TMEM117: variants seen among roughly 807,000 people sequenced by gnomAD.
The protein encoded by TMEM117 is transmembrane protein 117.
TMEM117 carries 27 observed loss-of-function variants against 52.4 expected under a neutral mutation model. The ratio of observed to expected loss-of-function variants is 0.51; its 90% CI spans 0.38 to 0.71. The LOEUF (loss-of-function observed/expected upper bound fraction) is 0.71. TMEM117 is among the 30% of genes least tolerant of loss of function. The probability of loss-of-function intolerance (pLI) is 0.00; values close to 1 mark genes in which losing one functional copy is unlikely to be tolerated. For missense variants in TMEM117, 556 were observed against 630.5 expected, an observed-to-expected ratio of 0.88 and a Z score of 1.26; for synonymous variants, 215 against 206.3, an observed-to-expected ratio of 1.04 and a Z score of -0.36.
intron 2 of TMEM117, among the ~76,000 whole-genome samples, chr12:43,902,321 G>A (rs1944317161): frequency 1.3e-5 from 2 of 152,178 alleles, no homozygotes; most frequent in Non-Finnish European, 2.9e-5. Context: ...CAGAACAAAG[G>A]CCCAGGCACA....
At chr12:44,101,442 G>A (rs540918225) in intron 3 of TMEM117, among the ~76,000 whole-genome samples, 2 of 151,856 alleles carry the variant, frequency 1.3e-5, no homozygotes, top group East Asian at 3.9e-4. Flanking sequence ...CCTGAATGTG[G>A]GTCCAAATCT....
intron 3 of TMEM117, among the ~76,000 whole-genome samples, chr12:44,066,642 C>T (rs949688480): frequency 1.3e-5 from 2 of 152,116 alleles, no homozygotes; most frequent in Admixed American, 6.5e-5. Context: ...AGGATTATGT[C>T]TAAAAGATGT....
At chr12:43,820,191 C>G in the TMEM117 span, among the ~76,000 whole-genome samples, 3 of 152,130 alleles carry the variant, frequency 2.0e-5, no homozygotes, top group African/African-American at 7.2e-5. Context: ...TCCGCCTCTC[C>G]GGTTCAAGCG....
chr12:43,910,650 C>T (rs1944482496), intron 2 of TMEM117, among the ~76,000 whole-genome samples: 1 of 150,696 alleles, frequency 6.6e-6, no homozygotes, highest in Non-Finnish European at 1.5e-5. Flanking sequence ...AGCAAAGTCT[C>T]AGGATACAAA....
At position 44,316,149 on chromosome 12, in the gene TMEM117, T is replaced by C. The variant is rs116368478; in HGVS notation, c.768+16410T>C. ...TTGCTTTGTAGTTCCTGTTATATAA[T>C]TGCTCTATAGGGTCTGTGAACTATA... On this transcript the variant is annotated intron_variant, in intron 6 of 7. Coordinates refer to ENST00000266534, the MANE Select transcript of TMEM117 (RefSeq NM_032256.3). Among the ~76,000 whole-genome samples the C allele has an allele frequency of 6.0e-3, 912 of 152,312 alleles. 11 individuals carry two copies. The highest frequency in any genetic ancestry group is 0.02 in the African/African-American group (826 of 41,566).
At chr12:43,964,179 G>A (rs1256174065) in intron 3 of TMEM117, among the ~76,000 whole-genome samples, 3 of 152,042 alleles carry the variant, frequency 2.0e-5, no homozygotes, top group African/African-American at 7.2e-5. Context: ...AGTAGCTCTC[G>A]GGGAGGTCTC....
intron 3 of TMEM117, chr12:44,009,246 G>C (rs550105342): frequency 3.6e-6 from 1 of 275,090 alleles, no homozygotes; most frequent in Admixed American, 5.8e-5. Flanking sequence ...TTGATATTTT[G>C]CATCCTAGCA....
chr12:44,091,202 G>A (rs1038611371), intron 3 of TMEM117, among the ~76,000 whole-genome samples: 11 of 152,084 alleles, frequency 7.2e-5, no homozygotes, highest in African/African-American at 2.2e-4. Flanking sequence ...CAGACCTCAG[G>A]AGACTTATTT....
chr12:44,197,092 ACT>A (rs1188737063), intron 4 of TMEM117, among the ~76,000 whole-genome samples: 2 of 152,076 alleles, frequency 1.3e-5, no homozygotes, highest in African/African-American at 4.8e-5. Flanking sequence ...GACTGAGCTA[ACT>A]CTTTTGGCTC....
chr12:44,065,564 G>A (rs1947209748), intron 3 of TMEM117, among the ~76,000 whole-genome samples: 1 of 152,156 alleles, frequency 6.6e-6, no homozygotes, highest in Admixed American at 6.5e-5. Flanking sequence ...ATAGGGAATT[G>A]TGAGTATGAT....
chr12:44,181,753 G>C (rs963829745), intron 4 of TMEM117, among the ~76,000 whole-genome samples: 55 of 150,640 alleles, frequency 3.7e-4, no homozygotes, highest in African/African-American at 1.2e-3. Context: ...TTTGGTTACT[G>C]TAGCCTTGTA....
chr12:43,844,349 A>C (rs967562748), intron 1 of TMEM117, among the ~76,000 whole-genome samples: 5 of 152,164 alleles, frequency 3.3e-5, no homozygotes, highest in African/African-American at 1.2e-4. Context: ...CCAATTTTGG[A>C]CAGTGTTCTG....
chr12:44,322,033 C>T (rs1951137345), intron 6 of TMEM117, among the ~76,000 whole-genome samples: 1 of 152,132 alleles, frequency 6.6e-6, no homozygotes, highest in Non-Finnish European at 1.5e-5. Context: ...CTGGAAAATT[C>T]TCTAGCCATA....
intron 3 of TMEM117, among the ~76,000 whole-genome samples, chr12:43,967,237 A>G (rs1045894453): frequency 6.6e-6 from 1 of 150,906 alleles, no homozygotes; most frequent in Admixed American, 6.6e-5. Context: ...TGATCTTCTC[A>G]CCTCAGCCTC....
intron 4 of TMEM117, among the ~76,000 whole-genome samples, chr12:44,171,795 CTT>C (rs1454947090): frequency 6.6e-6 from 1 of 151,988 alleles, no homozygotes; most frequent in African/African-American, 2.4e-5. Context: ...GGGACGGTAA[CTT>C]TAGAGATGAT....
At chr12:44,259,349 G>A (rs1950295517) in intron 5 of TMEM117, among the ~76,000 whole-genome samples, 1 of 152,128 alleles carries the variant, frequency 6.6e-6, no homozygotes, top group Non-Finnish European at 1.5e-5. Flanking sequence ...CTGAATCTCA[G>A]ATGATTCAAA....
the TMEM117 span, chr12:43,805,670 C>A: frequency 1.4e-6 from 1 of 700,244 alleles, no homozygotes; most frequent in East Asian, 6.5e-5. Context: ...CGCTTACACT[C>A]GAGATTTCTC....
At chr12:44,097,381 C>T (rs1484941511) in intron 3 of TMEM117, among the ~76,000 whole-genome samples, 1 of 150,696 alleles carries the variant, frequency 6.6e-6, no homozygotes, top group African/African-American at 2.5e-5. Flanking sequence ...ACCCAAAGGA[C>T]TATAAATCAT....
intron 3 of TMEM117, among the ~76,000 whole-genome samples, chr12:44,114,835 G>GCTA (rs1165363187): frequency 1.3e-5 from 2 of 152,154 alleles, no homozygotes; most frequent in African/African-American, 4.8e-5. Flanking sequence ...CTATAAAAAT[G>GCTA]CTACTACTTC....
Sources: gnomAD v4.1 joint callset for allele counts (sites outside exome capture counted in the v4.1 genomes callset) on GRCh38, gnomAD v4.1.1 for gene constraint, MANE v1.5 for transcripts, NCBI Gene and HGNC (gene_info 2026-07-23, HGNC 2026-07-21) for gene names.